Variants in OTOF observed in about 807,000 individuals in gnomAD.
OTOF encodes the protein otoferlin, also known as fer-1-like family member 2.
Under a neutral mutation model 236.8 loss-of-function variants are expected in OTOF, and 218 were observed. The ratio of observed to expected loss-of-function variants is 0.92; its 90% CI spans 0.82 to 1.03. OTOF has a LOEUF of 1.03. Ranked by LOEUF, OTOF falls within the 50% of genes least tolerant of loss-of-function variation. The pLI, the probability that OTOF is intolerant of heterozygous loss-of-function variation, is 0.00. For synonymous variants in OTOF, 1,041 were observed against 1,072.5 expected (o/e 0.97, Z 0.57); for missense variants, 2,590 against 2,694.4 (o/e 0.96, Z 0.86).
intron 9 of OTOF, among the ~76,000 whole-genome samples, chr2:26,494,515 T>A (rs1665927530): frequency 6.6e-6 from 1 of 152,182 alleles, no homozygotes; most frequent in Non-Finnish European, 1.5e-5. Context: ...ATGGTCCAGT[T>A]CAGAAGCATT....
At chr2:26,463,825 C>A (rs887659972) in intron 40 of OTOF, 139 bp downstream of exon 40, 13 of 1,167,374 alleles carry the variant, frequency 1.1e-5, no homozygotes, top group Admixed American at 1.8e-5. Flanking sequence ...CCCTGAGGGG[C>A]CTTGGTGGGA....
chr2:26,508,319 T>A (rs1666301031), intron 5 of OTOF, among the ~76,000 whole-genome samples: 1 of 152,258 alleles, frequency 6.6e-6, no homozygotes, highest in South Asian at 2.1e-4. Flanking sequence ...AAATTTTCCA[T>A]GCCCCAAGGC....
rs751067533 is a variant in OTOF at position 26,476,287 on chromosome 2, C to T, written c.2707G>A (p.Gly903Ser). 1 of 1,604,032 alleles carries T rather than the reference C, an allele frequency of 6.2e-7. No individual in the cohort carries two copies. The highest frequency in any genetic ancestry group is 8.5e-7 in the Non-Finnish European group (1 of 1,179,730). ...LPGKRGFGSA[G>S]WTVQAKVELY... ...TCCACCTTGGCCTGCACTGTCCAGCCTGCCGAGCCGAAGCCCCGCTTCCCT... is the reference window on the plus strand; with the variant it reads ...TCCACCTTGGCCTGCACTGTCCAGCTTGCCGAGCCGAAGCCCCGCTTCCCT... The change falls in exon 23 of 47, where the codon GGC becomes AGC. Residue 903 changes from glycine (G) to serine (S), a missense_variant. Physicochemically the swap from Gly to Ser is moderately conservative, Grantham distance 56. Coordinates refer to ENST00000272371, the MANE Select transcript of OTOF (RefSeq NM_194248.3).
At position 26,494,661 on chromosome 2, in the gene OTOF, G is replaced by GT. The variant is rs1176886210; in HGVS notation, c.897+280_897+281insA. On this transcript the variant is annotated intron_variant, in intron 9 of 46. Transcript: ENST00000272371. ...AGGCCTCTTGGGGAGTGGGGTGGGG[G>GT]GGGGTTCTTTCACAGGCACTGCTGG... Among the ~76,000 whole-genome samples, 9 of 141,904 alleles carry GT rather than the reference G, an allele frequency of 6.3e-5. No individual in the cohort carries two copies. In the East Asian group the frequency reaches 2.0e-3, roughly 32 times the overall value. The allele number at this position is 141,904 out of a possible 152,430, so 93.1% of individuals were successfully genotyped here.
intron 1 of OTOF, among the ~76,000 whole-genome samples, chr2:26,549,404 A>G (rs1667406447): frequency 6.6e-6 from 1 of 152,336 alleles, no homozygotes; most frequent in South Asian, 2.1e-4. Context: ...AGAGTTGTCC[A>G]AGAAAGCAGC....
Position 26,480,318 on chromosome 2 carries a change from G to C in OTOF, c.1804-7C>G, listed in dbSNP as rs1449383380. On this transcript the variant is annotated splice_region_variant and splice_polypyrimidine_tract_variant and intron_variant, in intron 15 of 46. Transcript: ENST00000272371. ...CCATTTTACCTGCACAGCTCTGTGG[G>C]GAGGCAGTTCAAAGCGTTCCTGAGC... 1.9e-6 allele frequency: 3 copies of C among 1,562,272 alleles called. No homozygotes were observed. The highest frequency in any genetic ancestry group is 2.6e-6 in the Non-Finnish European group (3 of 1,135,892).
At chr2:26,532,178 G>A (rs144016185) in intron 2 of OTOF, among the ~76,000 whole-genome samples, 233 of 150,922 alleles carry the variant, frequency 1.5e-3, no homozygotes, top group African/African-American at 5.3e-3. Context: ...TACTTCCAGA[G>A]CACATTTACC....
At chr2:26,516,167 A>G (rs1666518110) in intron 5 of OTOF, among the ~76,000 whole-genome samples, 1 of 152,230 alleles carries the variant, frequency 6.6e-6, no homozygotes, top group Non-Finnish European at 1.5e-5. Context: ...CACCTCCCTC[A>G]GGGCCACTGG....
intron 2 of OTOF, among the ~76,000 whole-genome samples, chr2:26,534,476 C>CTT (rs1667021162): frequency 1.3e-5 from 2 of 152,142 alleles, no homozygotes; most frequent in African/African-American, 4.8e-5. Flanking sequence ...CTGTTTCCAC[C>CTT]CATTGTTGTA....
intron 30 of OTOF, 106 bp downstream of exon 30, chr2:26,472,413 G>A: frequency 2.2e-6 from 3 of 1,395,162 alleles, no homozygotes; most frequent in East Asian, 2.3e-5. Flanking sequence ...TGCCAAAGGA[G>A]GCTCTTAGTG....
rs982643723 is a variant in OTOF at position 26,460,165 on chromosome 2, T to C, written c.5854A>G (p.Lys1952Glu). The change falls in exon 46 of 47, where the codon AAG becomes GAG. Residue 1952 changes from lysine (K) to glutamate (E), a missense_variant. Physicochemically the swap from Lys to Glu is moderately conservative, Grantham distance 56 (BLOSUM62 1). Transcript: ENST00000272371. The surrounding 1 kb of genome is among the most constrained non-coding windows in gnomAD (Gnocchi z 5.3). ...TSFIWFLNPL[K>E]SARYFLWHTY... ...TGCCACAAGAAGTAGCGAGCCGACTTGAGAGGGTTCAGGAACCAGATGAAG... is the reference window on the plus strand; with the variant it reads ...TGCCACAAGAAGTAGCGAGCCGACTCGAGAGGGTTCAGGAACCAGATGAAG... 6.2e-7 allele frequency: 1 copy of C among 1,605,140 alleles called. No homozygotes were observed. Among genetic ancestry groups the C allele is most frequent in the Non-Finnish European group, 8.5e-7 (1 of 1,176,354 alleles).
intron 9 of OTOF, among the ~76,000 whole-genome samples, chr2:26,492,567 G>A (rs966974897): frequency 2.0e-5 from 3 of 152,138 alleles, no homozygotes; most frequent in Non-Finnish European, 2.9e-5. Context: ...CCTTCATCTC[G>A]GCAGCCTCCA....
At chr2:26,542,866 C>T (rs1053979828) in intron 1 of OTOF, among the ~76,000 whole-genome samples, 34 of 152,182 alleles carry the variant, frequency 2.2e-4, no homozygotes, top group Admixed American at 7.2e-4. Flanking sequence ...TTTTCAAGGA[C>T]GTCGTGATTT....
In OTOF at chr2:26,482,466, C is replaced by A. The variant is rs1431059424; in HGVS notation, c.1519G>T (p.Asp507Tyr). 8 of 1,613,342 alleles carry A rather than the reference C, an allele frequency of 5.0e-6. No homozygotes were observed. Among genetic ancestry groups the A allele is most frequent in the Non-Finnish European group, 6.8e-6 (8 of 1,180,022 alleles). The change falls in exon 14 of 47, where the codon GAC becomes TAC. Residue 507 changes from aspartate (D) to tyrosine (Y), a missense_variant. By Grantham distance (160) the Asp-to-Tyr change is radical. Coordinates refer to ENST00000272371, the MANE Select transcript of OTOF (RefSeq NM_194248.3). ...ATGAAGTGGGTGCCGATGGCCACGT[C>A]GTTGACCTTGTCCGAGTCTCGGATC... is the stretch of plus-strand genomic sequence containing the variant. The part of the protein sequence containing the change: ...VQIRDSDKVN[D>Y]VAIGTHFIDL...
intron 1 of OTOF, among the ~76,000 whole-genome samples, chr2:26,551,130 T>A (rs1185597845): frequency 6.6e-6 from 1 of 152,100 alleles, no homozygotes; most frequent in Non-Finnish European, 1.5e-5. Flanking sequence ...GCTGGGATTA[T>A]AGGCGTGCAC....
At chr2:26,501,675 A>G in intron 8 of OTOF, 79 bp downstream of exon 8, 1 of 970,006 alleles carries the variant, frequency 1.0e-6, no homozygotes, top group Non-Finnish European at 1.7e-6. Flanking sequence ...GCCTCAGTAT[A>G]GTGGATAATG....
intron 5 of OTOF, among the ~76,000 whole-genome samples, chr2:26,513,276 C>T (rs1323198900): frequency 1.3e-5 from 2 of 152,186 alleles, no homozygotes; most frequent in Non-Finnish European, 2.9e-5. Context: ...CTGCTTAGAA[C>T]CATCTGACCC....
intron 11 of OTOF, among the ~76,000 whole-genome samples, chr2:26,487,239 G>A (rs1665722357): frequency 6.6e-6 from 1 of 152,178 alleles, no homozygotes; most frequent in Non-Finnish European, 1.5e-5. Flanking sequence ...CAATGCCCTG[G>A]CTGGAACCAA....
Position 26,477,864 on chromosome 2 carries a change from G to T in OTOF, c.2215-115C>A, listed in dbSNP as rs1358173944. ...GGGACCTCATGATCTGGGAGCTCTC[G>T]CTAGGGCCATCCTGAGTATCGGTCA... On this transcript the variant is annotated intron_variant, in intron 18 of 46. Coordinates refer to ENST00000272371, the MANE Select transcript of OTOF (RefSeq NM_194248.3). The surrounding 1 kb of genome is among the most constrained non-coding windows in gnomAD (Gnocchi z 4.7). 2 of 1,554,906 alleles carry T rather than the reference G, an allele frequency of 1.3e-6. No individual in the cohort carries two copies. Among genetic ancestry groups the T allele is most frequent in the Non-Finnish European group, 1.7e-6 (2 of 1,149,448 alleles).
Sources: allele counts gnomAD v4.1 joint callset (sites outside exome capture counted in the v4.1 genomes callset), GRCh38; gene constraint gnomAD v4.1.1; non-coding constraint Gnocchi (gnomAD v3.1); transcripts MANE v1.5; gene names NCBI Gene and HGNC (gene_info 2026-07-23, HGNC 2026-07-21).